The following BLTP1 variants were observed in gnomAD, a reference collection of about 807,000 sequenced individuals.
The protein encoded by BLTP1 is bridge-like lipid transfer protein family member 1.
chr4:122,189,267 C>G, the BLTP1 span: 2 of 957,906 alleles, frequency 2.1e-6, no homozygotes, highest in Non-Finnish European at 2.5e-6. Flanking sequence ...TTAATATCAT[C>G]TAATGATTGA....
chr4:122,238,031 GT>G, the BLTP1 span: 1 of 1,456,414 alleles, frequency 6.9e-7, no homozygotes, highest in Non-Finnish European at 9.3e-7. Flanking sequence ...AGATTGCCAT[GT>G]TTTTTATAAA....
the BLTP1 span, among the ~76,000 whole-genome samples, chr4:122,300,668 A>G: frequency 6.6e-6 from 1 of 152,124 alleles, no homozygotes; most frequent in Non-Finnish European, 1.5e-5. Context: ...CTTTTTATCT[A>G]TTTGGTTCTT....
the BLTP1 span, chr4:122,350,326 G>T: frequency 1.0e-6 from 1 of 985,000 alleles, no homozygotes; most frequent in Non-Finnish European, 1.2e-6. Context: ...CCACGCTCTT[G>T]AATAGTGTTT....
the BLTP1 span, chr4:122,190,407 T>A: frequency 8.0e-5 from 78 of 977,406 alleles, no homozygotes; most frequent in South Asian, 1.3e-3. Flanking sequence ...TGTTTTTTTT[T>A]AAAAGTATGT....
chr4:122,241,344 G>A, the BLTP1 span, among the ~76,000 whole-genome samples: 1 of 152,178 alleles, frequency 6.6e-6, no homozygotes, highest in Non-Finnish European at 1.5e-5. Flanking sequence ...CAAAGGCTAG[G>A]TCATTTAGAG....
the BLTP1 span, chr4:122,266,631 C>A: frequency 2.0e-6 from 1 of 504,252 alleles, no homozygotes; most frequent in South Asian, 5.1e-5. Context: ...AAGTTAGAGT[C>A]AATTATATGA....
chr4:122,230,445 C>G, the BLTP1 span, among the ~76,000 whole-genome samples: 1 of 152,256 alleles, frequency 6.6e-6, no homozygotes, highest in South Asian at 2.1e-4. Flanking sequence ...TGATGTGTTT[C>G]TAAGTCTATA....
At chr4:122,195,005 T>C in the BLTP1 span, among the ~76,000 whole-genome samples, 2 of 152,248 alleles carry the variant, frequency 1.3e-5, 1 homozygote, top group South Asian at 4.1e-4. Context: ...AAAGGTCTTA[T>C]GCAGCCGTTT....
the BLTP1 span, chr4:122,208,269 A>G: frequency 1.6e-6 from 1 of 627,270 alleles, no homozygotes. Flanking sequence ...TTTATACATT[A>G]GGAAAGTGAG....
At chr4:122,299,718 T>G in the BLTP1 span, 1 of 812,548 alleles carries the variant, frequency 1.2e-6, no homozygotes, top group Non-Finnish European at 1.5e-6. Flanking sequence ...GGGGGGGTGA[T>G]ATTATATACA....
the BLTP1 span, chr4:122,340,892 T>G: frequency 1.1e-6 from 1 of 905,448 alleles, no homozygotes; most frequent in Non-Finnish European, 1.3e-6. Context: ...AGATAACTAG[T>G]GTTGTCAGCG....
At chr4:122,211,707 T>G in the BLTP1 span, among the ~76,000 whole-genome samples, 1 of 152,170 alleles carries the variant, frequency 6.6e-6, no homozygotes, top group Non-Finnish European at 1.5e-5. Flanking sequence ...AATTGTGTAA[T>G]TGCACAGTAT....
At chr4:122,229,905 GT>G in the BLTP1 span, 2 of 1,589,672 alleles carry the variant, frequency 1.3e-6, no homozygotes, top group Non-Finnish European at 1.7e-6. Context: ...TTACACTTTT[GT>G]TTCATTTTCT....
chr4:122,262,170 G>GTGTGTGTGTT, the BLTP1 span, among the ~76,000 whole-genome samples: 1 of 151,400 alleles, frequency 6.6e-6, no homozygotes, highest in South Asian at 2.1e-4. Flanking sequence ...GTGTGTGTGT[G>GTGTGTGTGTT]TGTGTGTGTG....
chr4:122,155,905 G>A, the BLTP1 span: 1 of 468,664 alleles, frequency 2.1e-6, no homozygotes, highest in Non-Finnish European at 2.8e-6. Context: ...ATGTAAAGAG[G>A]GTAGATGGAT....
the BLTP1 span, chr4:122,156,013 C>T: frequency 1.7e-5 from 16 of 961,180 alleles, no homozygotes; most frequent in Non-Finnish European, 1.5e-5. Flanking sequence ...TTTTGAGATG[C>T]TTAGAATGAA....
the BLTP1 span, chr4:122,214,537 A>G: frequency 7.3e-6 from 7 of 961,258 alleles, no homozygotes; most frequent in Non-Finnish European, 6.2e-6. Context: ...GTACCATAAA[A>G]GTTTGCCGTA....
the BLTP1 span, among the ~76,000 whole-genome samples, chr4:122,346,217 T>A: frequency 4.6e-5 from 7 of 152,192 alleles, no homozygotes; most frequent in African/African-American, 1.7e-4. Context: ...AAGTCACTGC[T>A]ATTAGTCTGA....
At chr4:122,207,703 T>G in the BLTP1 span, 1 of 1,320,478 alleles carries the variant, frequency 7.6e-7, no homozygotes, top group Non-Finnish European at 1.1e-6. Context: ...TCCCAAAGCT[T>G]ATCTTCACTC....
Sources: allele counts gnomAD v4.1 joint callset (sites outside exome capture counted in the v4.1 genomes callset), GRCh38; gene constraint gnomAD v4.1.1; transcripts MANE v1.5; gene names NCBI Gene and HGNC (gene_info 2026-07-23, HGNC 2026-07-21).